The following SPTA1 variants were observed in gnomAD, a reference collection of about 807,000 sequenced individuals.
SPTA1 encodes spectrin alpha, erythrocytic 1, also known as spectrin alpha chain, erythrocytic 1.
Under a neutral mutation model 324.7 loss-of-function variants are expected in SPTA1, and 177 were observed. The observed-to-expected ratio is 0.55, with a 90% CI of 0.48 to 0.62. The LOEUF is 0.62. SPTA1 is among the 20% of genes least tolerant of loss of function. The probability of loss-of-function intolerance (pLI) is 0.00; values close to 1 mark genes in which losing one functional copy is unlikely to be tolerated. For synonymous variants in SPTA1, 1,195 were observed against 1,041.3 expected (o/e 1.15, Z -2.84); for missense variants, 3,162 against 2,883.6 (o/e 1.10, Z -2.21).
At chr1:158,649,194 A>G (rs536106679) in intron 25 of SPTA1, among the ~76,000 whole-genome samples, 3 of 152,308 alleles carry the variant, frequency 2.0e-5, no homozygotes, top group Non-Finnish European at 2.9e-5. Context: ...CTGATAGTCA[A>G]TGTGATGTCT....
intron 18 of SPTA1, among the ~76,000 whole-genome samples, chr1:158,659,426 A>T (rs11265045): frequency 0.026 from 3,888 of 152,018 alleles, 168 homozygotes; most frequent in African/African-American, 0.088. Flanking sequence ...ACTGATTAAT[A>T]GTTCCCATAT....
intron 7 of SPTA1, among the ~76,000 whole-genome samples, chr1:158,676,919 A>G (rs1369942604): frequency 6.6e-6 from 1 of 152,138 alleles, no homozygotes; most frequent in African/African-American, 2.4e-5. Flanking sequence ...TATGGGTTTT[A>G]TTATTCATTA....
intron 10 of SPTA1, 76 bp from the exon 11 acceptor site, chr1:158,672,272 A>G: frequency 6.9e-7 from 1 of 1,458,702 alleles, no homozygotes; most frequent in African/African-American, 1.4e-5. Context: ...CATATAATAA[A>G]TGCAAAGCCA....
At chr1:158,619,640 T>C (rs922872626) in intron 44 of SPTA1, among the ~76,000 whole-genome samples, 3 of 152,160 alleles carry the variant, frequency 2.0e-5, no homozygotes, top group African/African-American at 7.2e-5. Flanking sequence ...TTAATTTAAA[T>C]GAACACAAAA....
chr1:158,686,639 G>GT lies in SPTA1; in HGVS notation c.-123_-122insA. The GT allele has an allele frequency of 1.4e-6, 1 of 712,436 alleles. No individual in the cohort carries two copies. Among genetic ancestry groups the GT allele is most frequent in the Non-Finnish European group, 2.3e-6 (1 of 428,036 alleles). The allele number at this position is 712,436 out of a possible 1,614,324, so 44.1% of individuals were successfully genotyped here. ...GAAATATAGAAACGTTAAGTATGTG[G>GT]GGGAAAAAAAAAAACCTCTTGCTTG... On this transcript the variant is annotated 5_prime_UTR_variant, in exon 1 of 52. An upstream open reading frame in the 5' UTR gains an earlier in-frame stop. Transcript: ENST00000643759.
Position 158,652,499 on chromosome 1 carries a change from C to A in SPTA1, c.3343G>T (p.Glu1115Ter), listed in dbSNP as rs990425620. 3.7e-6 allele frequency: 6 copies of A among 1,614,154 alleles called. No homozygotes were observed. In the Admixed American group the frequency reaches 8.3e-5, roughly 22 times the overall value. ...NTGVELDDVW[E>*]LQKKFDEFQK... ...AACTCATCAAACTTTTTCTGCAGCT[C>A]CCAAACATCATCTAGTTCCACTCCA... The change falls in exon 23 of 52, where the codon GAG (glutamate) becomes TAG (stop). Residue 1115 changes from glutamate (E) to a stop codon, truncating the protein, a stop_gained. Coordinates refer to ENST00000643759, the MANE Select transcript of SPTA1 (RefSeq NM_003126.4). LOFTEE classifies it high-confidence loss of function.
At chr1:158,656,027 C>T (rs987929064) in intron 20 of SPTA1, among the ~76,000 whole-genome samples, 2 of 152,112 alleles carry the variant, frequency 1.3e-5, no homozygotes, top group African/African-American at 4.8e-5. Flanking sequence ...AAAAATTTTC[C>T]TGTTTTCCAG....
rs2101892153 is a variant in SPTA1 at position 158,662,693 on chromosome 1, T to A, written c.2464+9A>T. ...TCCTAGTGGCTCAGCCTGCTCAGGC[T>A]GTACTAACCAAGGTAGGTGGAAGTA... On this transcript the variant is annotated intron_variant, in intron 17 of 51. Coordinates refer to ENST00000643759, the MANE Select transcript of SPTA1 (RefSeq NM_003126.4). 1 of 1,613,694 alleles carries A rather than the reference T, an allele frequency of 6.2e-7. No individual in the cohort carries two copies. The highest frequency in any genetic ancestry group is 8.5e-7 in the Non-Finnish European group (1 of 1,179,932).
rs939746204 is a variant in SPTA1, at chr1:158,644,308, C to T, written c.4283G>A (p.Ser1428Asn). Residue 1428 changes from serine to asparagine, a missense_variant, in exon 30 of 52, where the codon AGT (serine) becomes AAT (asparagine). By Grantham distance (46) the Ser-to-Asn change is conservative. Transcript: ENST00000643759. ...LRSDDKSSLDSLEALMKKRDD... is the reference protein window; with the variant it reads ...LRSDDKSSLDNLEALMKKRDD... ...CCGTTTCTTCATCAAAGCCTCCAGA[C>T]TGTCTAAGGAACTTTTGTCATCTGA... 1 of 1,613,836 alleles carries T rather than the reference C, an allele frequency of 6.2e-7. No homozygotes were observed. The highest frequency in any genetic ancestry group is 8.5e-7 in the Non-Finnish European group (1 of 1,179,914).
At chr1:158,675,753 G>A (rs531223935) in intron 8 of SPTA1, among the ~76,000 whole-genome samples, 4 of 152,126 alleles carry the variant, frequency 2.6e-5, no homozygotes, top group Admixed American at 6.6e-5. Context: ...AGTGACTAAC[G>A]AGTGAGTAGA....
intron 12 of SPTA1, among the ~76,000 whole-genome samples, chr1:158,670,226 A>G (rs1036344474): frequency 5.3e-5 from 8 of 152,144 alleles, no homozygotes; most frequent in African/African-American, 1.7e-4. Flanking sequence ...CTATATCTCT[A>G]TCTCTATCTC....
chr1:158,679,338 C>T (rs922560394), intron 5 of SPTA1, among the ~76,000 whole-genome samples: 3 of 152,076 alleles, frequency 2.0e-5, no homozygotes, highest in Non-Finnish European at 4.4e-5. Context: ...TGGAAAAAAT[C>T]GCATGCTATT....
At chr1:158,681,725 CA>C in intron 3 of SPTA1, 58 bp from the exon 4 acceptor site, 2 of 1,610,222 alleles carry the variant, frequency 1.2e-6, no homozygotes, top group Non-Finnish European at 1.7e-6. Flanking sequence ...GGGAAACACT[CA>C]GAGACTTGTG....
intron 20 of SPTA1, 34 bp from the exon 21 acceptor site, chr1:158,654,782 C>A: frequency 6.2e-7 from 1 of 1,611,272 alleles, no homozygotes; most frequent in Non-Finnish European, 8.5e-7. Context: ...GTCAGTCACG[C>A]ACTGGAAATA....
Position 158,659,595 on chromosome 1 carries a change from ATTT to A in SPTA1, c.2587+1689_2587+1691del, listed in dbSNP as rs1177353050. Among the ~76,000 whole-genome samples, 11 of 68,780 alleles carry A rather than the reference ATTT, an allele frequency of 1.6e-4. 1 individual carries two copies. Among genetic ancestry groups the A allele is most frequent in the South Asian group, 9.1e-4 (1 of 1,094 alleles). The allele number at this position is 68,780 out of a possible 152,430, so 45.1% of individuals were successfully genotyped here. A position where few individuals can be genotyped will look rare whatever the true frequency, so the allele number is the denominator to read the frequency against. ...AAAAGAAAATAATAGTCTTAGCATT[ATTT>A]TTTTTTTTTTTTTTTTTTTTTTTGA... On this transcript the variant is annotated intron_variant, in intron 18 of 51. Coordinates refer to ENST00000643759, the MANE Select transcript of SPTA1 (RefSeq NM_003126.4).
chr1:158,616,423 C>A (rs1375164957), intron 47 of SPTA1, among the ~76,000 whole-genome samples: 1 of 151,946 alleles, frequency 6.6e-6, no homozygotes, highest in African/African-American at 2.4e-5. Flanking sequence ...CCATTCCTAT[C>A]CTCTAGTAAT....
chr1:158,638,560 G>A (rs370053183), intron 35 of SPTA1, among the ~76,000 whole-genome samples: 132 of 152,142 alleles, frequency 8.7e-4, no homozygotes, highest in African/African-American at 3.0e-3. Context: ...GCTCATGCCT[G>A]TAATCCCAGC....
At chr1:158,630,988 G>A (rs1247685224) in intron 39 of SPTA1, among the ~76,000 whole-genome samples, 1 of 152,048 alleles carries the variant, frequency 6.6e-6, no homozygotes, top group Non-Finnish European at 1.5e-5. Flanking sequence ...AGATATCGGT[G>A]TGGATGTGGT....
In SPTA1 at chr1:158,666,493, G is replaced by C. The variant is rs750916709; in HGVS notation, c.2043C>G (p.Thr681=). 3 of 1,607,606 alleles carry C rather than the reference G, an allele frequency of 1.9e-6. No homozygotes were observed. The highest frequency in any genetic ancestry group is 1.7e-5 in the Admixed American group (1 of 59,956). ...GCTGCTGGTTGGCCTCATGCAACTGGGTCCCTGGGAGAAGACATAAGGTAG... is the reference window on the plus strand; with the variant it reads ...GCTGCTGGTTGGCCTCATGCAACTGCGTCCCTGGGAGAAGACATAAGGTAG... ...ELLEATKQKG[T]QLHEANQQLQ... is the part of the protein sequence containing the mutation. Residue 681 remains threonine (T), a synonymous_variant, in exon 16 of 52, where the codon ACC becomes ACG. Coordinates refer to ENST00000643759, the MANE Select transcript of SPTA1 (RefSeq NM_003126.4).
Sources: allele counts gnomAD v4.1 joint callset (sites outside exome capture counted in the v4.1 genomes callset), GRCh38; gene constraint gnomAD v4.1.1; transcripts MANE v1.5; gene names NCBI Gene and HGNC (gene_info 2026-07-23, HGNC 2026-07-21).